RB1: variants seen among roughly 807,000 people sequenced by gnomAD.
The protein encoded by RB1 is retinoblastoma-associated protein.
RB1 carries 18 observed loss-of-function variants against 135.4 expected under a neutral mutation model. The ratio of observed to expected loss-of-function variants is 0.13; its 90% CI spans 0.09 to 0.20. The LOEUF (loss-of-function observed/expected upper bound fraction) is 0.20, where lower values mean the gene tolerates loss of function less well. Among genes scored for constraint, RB1 ranks in the 10% least tolerant of loss-of-function variants. The probability of loss-of-function intolerance (pLI) is 1.00; values close to 1 mark genes in which losing one functional copy is unlikely to be tolerated. For missense variants in RB1, 868 were observed against 1,110.0 expected (o/e 0.78, Z 3.10); for synonymous variants, 365 against 373.2 (o/e 0.98, Z 0.25).
rs1304745795 is a variant in RB1 at position 48,391,772 on chromosome 13, C to A, written c.1695+10329C>A. Among the ~76,000 whole-genome samples the A allele has an allele frequency of 5.9e-5, 9 of 152,000 alleles. 1 individual carries two copies. The highest frequency in any genetic ancestry group is 5.9e-4 in the Admixed American group (9 of 15,252). On this transcript the variant is annotated intron_variant, in intron 17 of 26. Transcript: ENST00000267163. ...TAGCTGGGATTACAGGCACACGCCA[C>A]CATGCCTAGCTAATTTTTATATTTT...
chr13:48,382,686 C>G (rs1674890357), intron 17 of RB1, among the ~76,000 whole-genome samples: 2 of 152,158 alleles, frequency 1.3e-5, no homozygotes, highest in Admixed American at 6.6e-5. Flanking sequence ...TGTGCAGAAG[C>G]TCTTTAGTTT....
In RB1 at chr13:48,348,933, T is replaced by C. The variant is rs758468870; in HGVS notation, c.540-23T>C. 16 of 1,595,156 alleles carry C rather than the reference T, an allele frequency of 1.0e-5. No individual in the cohort carries two copies. In the East Asian group the frequency reaches 2.0e-4, roughly 20 times the overall value. On this transcript the variant is annotated intron_variant, in intron 5 of 26. Coordinates refer to ENST00000267163, the MANE Select transcript of RB1 (RefSeq NM_000321.3). ...AGTGATACATTTTTCCTGTTTTTTT[T>C]CTGCTTTCTATTTGTTTAATAGGAT... is the stretch of plus-strand genomic sequence containing the variant.
At chr13:48,374,693 A>G (rs758008420) in intron 12 of RB1, among the ~76,000 whole-genome samples, 1 of 152,240 alleles carries the variant, frequency 6.6e-6, no homozygotes, top group Non-Finnish European at 1.5e-5. Flanking sequence ...ATTTAAAAGA[A>G]TGATAAGCCC....
intron 2 of RB1, among the ~76,000 whole-genome samples, chr13:48,325,935 GA>G (rs1952283652): frequency 1.3e-5 from 2 of 152,148 alleles, no homozygotes; most frequent in African/African-American, 4.8e-5. Flanking sequence ...TTTGCTCATA[GA>G]ATAGTCTTTG....
rs180914137 is a variant in RB1 at position 48,338,603 on chromosome 13, G to T, written c.265-3996G>T. ...GTCTAATCTTTTTTCAAGGTTTTTA[G>T]CTTCTTTATGTTGGGTTAGAACTTC... On this transcript the variant is annotated intron_variant, in intron 2 of 26. Transcript: ENST00000267163. Among the ~76,000 whole-genome samples the T allele has an allele frequency of 4.7e-3, 712 of 152,230 alleles. 2 individuals are homozygous for T. Among genetic ancestry groups the T allele is most frequent in the African/African-American group, 0.016 (672 of 41,518 alleles).
At chr13:48,320,280 A>T in intron 2 of RB1, 2 of 1,208,976 alleles carry the variant, frequency 1.7e-6, no homozygotes, top group South Asian at 2.5e-5. Flanking sequence ...CAGCGCGCTC[A>T]TCGGTGGTGC....
At chr13:48,328,509 TC>T (rs1952307333) in intron 2 of RB1, 1 of 783,836 alleles carries the variant, frequency 1.3e-6, no homozygotes, top group Non-Finnish European at 2.4e-6. Context: ...CTCCAGCAGC[TC>T]CAGCTCATTG....
At chr13:48,317,143 C>G (rs1952191522) in intron 2 of RB1, 2 of 880,604 alleles carry the variant, frequency 2.3e-6, no homozygotes, top group African/African-American at 3.4e-5. Flanking sequence ...CCGGCCTGGG[C>G]CTCCCTGAAG....
intron 17 of RB1, chr13:48,423,909 C>T (rs970308527): frequency 6.6e-6 from 1 of 152,392 alleles, no homozygotes; most frequent in South Asian, 2.1e-4. Context: ...GGCAACATAA[C>T]GAGACACTGT....
At position 48,373,271 on chromosome 13, in the gene RB1, T is replaced by G. The variant is rs181240165; in HGVS notation, c.1128-134T>G. The G allele has an allele frequency of 2.4e-3, 1,548 of 646,160 alleles. 12 individuals carry two copies. Among genetic ancestry groups the G allele is most frequent in the South Asian group, 0.011 (587 of 51,758 alleles). 40.0% of individuals were successfully genotyped at this position (646,160 alleles called of 1,614,324 possible). On this transcript the variant is annotated intron_variant, in intron 11 of 26. Transcript: ENST00000267163. Reference sequence around the variant, plus strand: ...AATTTCTTATAAACCACAGTCTTATTTGAGGGAATGTAGAGACAAGTGGGA... The same window carrying G: ...AATTTCTTATAAACCACAGTCTTATGTGAGGGAATGTAGAGACAAGTGGGA...
At chr13:48,434,920 G>A (rs969463428) in intron 17 of RB1, among the ~76,000 whole-genome samples, 3 of 152,128 alleles carry the variant, frequency 2.0e-5, no homozygotes, top group Non-Finnish European at 4.4e-5. Context: ...TTGCTGACTA[G>A]TATTTTGTAG....
chr13:48,328,498 A>T lies in RB1; in HGVS notation c.265-14101A>T, dbSNP rs1246286157. On this transcript the variant is annotated intron_variant, in intron 2 of 26. Coordinates refer to ENST00000267163, the MANE Select transcript of RB1 (RefSeq NM_000321.3). ...TGCGGCTGGAACTTTCCTCTCCATT[A>T]CTCCAGCAGCTCCAGCTCATTGCGA... 9 of 801,372 alleles carry T rather than the reference A, an allele frequency of 1.1e-5. No homozygotes were observed. The African/African-American group carries it at 1.5e-4, about 14-fold the overall frequency. 49.6% of individuals were successfully genotyped at this position (801,372 alleles called of 1,614,324 possible).
At chr13:48,381,596 A>G (rs1024968707) in intron 17 of RB1, among the ~76,000 whole-genome samples, 153 bp downstream of exon 17, 2 of 152,234 alleles carry the variant, frequency 1.3e-5, no homozygotes, top group African/African-American at 2.4e-5. Context: ...ATCAAGTGGA[A>G]TATTAGAATG....
At chr13:48,447,366 G>A (rs112478593) in intron 17 of RB1, among the ~76,000 whole-genome samples, 3 of 152,198 alleles carry the variant, frequency 2.0e-5, no homozygotes, top group African/African-American at 7.2e-5. Context: ...TCTGACAAAT[G>A]GAGCATTGTT....
At chr13:48,334,982 C>T (rs1393686143) in intron 2 of RB1, among the ~76,000 whole-genome samples, 1 of 152,028 alleles carries the variant, frequency 6.6e-6, no homozygotes, top group Non-Finnish European at 1.5e-5. Flanking sequence ...GACTTTTCTC[C>T]TATTTTACAA....
At chr13:48,444,705 GT>G (rs1949271790) in intron 17 of RB1, 1 of 152,214 alleles carries the variant, frequency 6.6e-6, no homozygotes, top group African/African-American at 2.4e-5. Context: ...TCCTAATCCA[GT>G]TTTTATGATG....
rs1952050164 is a variant in RB1, at chr13:48,303,842, C to T, written c.-71C>T. ...GAGTCGGGAGAGGACGGGGCGTGCC[C>T]CGACGTGCGCGCGCGTCGTCCTCCC... On this transcript the variant is annotated 5_prime_UTR_variant, in exon 1 of 27. Coordinates refer to ENST00000267163, the MANE Select transcript of RB1 (RefSeq NM_000321.3). The T allele has an allele frequency of 1.1e-5, 16 of 1,494,964 alleles. No homozygotes were observed. The highest frequency in any genetic ancestry group is 1.3e-5 in the Non-Finnish European group (15 of 1,129,440). 92.6% of individuals were successfully genotyped at this position (1,494,964 alleles called of 1,614,324 possible).
At chr13:48,307,489 T>C (rs980553570) in intron 2 of RB1, 83 bp downstream of exon 2, 29 of 1,337,164 alleles carry the variant, frequency 2.2e-5, no homozygotes, top group Non-Finnish European at 2.8e-5. Context: ...AATTGAAAGA[T>C]AGAAAAATAT....
chr13:48,309,847 C>T (rs952000231), intron 2 of RB1, among the ~76,000 whole-genome samples: 1 of 152,088 alleles, frequency 6.6e-6, no homozygotes, highest in African/African-American at 2.4e-5. Context: ...TTTTGAGCTT[C>T]AGAATTGAAT....
Sources: gnomAD v4.1 joint callset for allele counts (sites outside exome capture counted in the v4.1 genomes callset) on GRCh38, gnomAD v4.1.1 for gene constraint, MANE v1.5 for transcripts, NCBI Gene and HGNC (gene_info 2026-07-23, HGNC 2026-07-21) for gene names.